Variants in EBF3 observed in about 807,000 individuals in gnomAD.
EBF3 encodes the protein transcription factor COE3.
In EBF3, 18 loss-of-function variants were observed where a neutral mutation model predicts 77.1. The observed-to-expected ratio is 0.23, with a 90% CI of 0.16 to 0.35. EBF3 has a LOEUF of 0.35. EBF3 is among the 10% of genes least tolerant of loss of function. EBF3 has a pLI of 1.00. For missense variants in EBF3, 558 were observed against 860.0 expected, an observed-to-expected ratio of 0.65 and a Z score of 4.39; for synonymous variants, 350 against 343.5, an observed-to-expected ratio of 1.02 and a Z score of -0.21.
chr10:129,901,258 C>A (rs944489315), intron 6 of EBF3, among the ~76,000 whole-genome samples: 2 of 152,194 alleles, frequency 1.3e-5, no homozygotes, highest in African/African-American at 2.4e-5. Context: ...ATAATTATGA[C>A]GCCTAAACTT....
At chr10:129,917,302 G>A (rs552247395) in intron 6 of EBF3, among the ~76,000 whole-genome samples, 25 of 152,246 alleles carry the variant, frequency 1.6e-4, no homozygotes, top group South Asian at 1.0e-3. Context: ...CTGGGACATC[G>A]CAGTTGCAGT....
At chr10:129,860,869 T>C (rs1564833748) in intron 10 of EBF3, among the ~76,000 whole-genome samples, 1 of 152,218 alleles carries the variant, frequency 6.6e-6, no homozygotes, top group Non-Finnish European at 1.5e-5. Context: ...CCCTCAATTT[T>C]CAGATGATGA....
intron 10 of EBF3, among the ~76,000 whole-genome samples, chr10:129,849,085 C>T (rs1451864632): frequency 6.6e-6 from 1 of 152,260 alleles, no homozygotes; most frequent in East Asian, 1.9e-4. Flanking sequence ...TTTTATCCCT[C>T]AAATTGTAAT....
chr10:129,939,613 G>A (rs577826946), intron 6 of EBF3, among the ~76,000 whole-genome samples: 4 of 152,322 alleles, frequency 2.6e-5, no homozygotes, highest in East Asian at 1.9e-4. Context: ...CTGCCACAAC[G>A]TCTGCGTCTC....
Position 129,885,896 on chromosome 10 carries a change from C to T in EBF3, c.555-8047G>A, listed in dbSNP as rs1005276068. Among the ~76,000 whole-genome samples, 2 of 152,176 alleles carry T rather than the reference C, an allele frequency of 1.3e-5. No homozygotes were observed. The highest frequency in any genetic ancestry group is 2.9e-5 in the Non-Finnish European group (2 of 68,044). The stretch of plus-strand genomic sequence containing the variant: ...GCTTATCCCAACTTAGGGTTTCAAG[C>T]CTCTCCCACCATACGCGTGTGTGTT... On this transcript the variant is annotated intron_variant, in intron 6 of 16. Coordinates refer to ENST00000440978, the MANE Select transcript of EBF3 (RefSeq NM_001375380.1). The surrounding 1 kb of genome is among the most constrained non-coding windows in gnomAD (Gnocchi z 4.0).
intron 6 of EBF3, among the ~76,000 whole-genome samples, chr10:129,880,488 T>C (rs577694756): frequency 6.6e-6 from 1 of 150,388 alleles, no homozygotes; most frequent in Non-Finnish European, 1.5e-5. Flanking sequence ...CACATACATA[T>C]GCACACACAC....
In EBF3 at chr10:129,963,607, A is replaced by G. The variant is rs779070141; in HGVS notation, c.134+28T>C. 5 of 1,300,212 alleles carry G rather than the reference A, an allele frequency of 3.8e-6. No homozygotes were observed. Among genetic ancestry groups the G allele is most frequent in the Non-Finnish European group, 3.0e-6 (3 of 1,008,880 alleles). 80.5% of individuals were successfully genotyped at this position (1,300,212 alleles called of 1,614,324 possible). On this transcript the variant is annotated intron_variant, in intron 1 of 16. Transcript: ENST00000440978. This position sits in a 1 kb window ranked among gnomAD's most constrained non-coding sequence, Gnocchi z 7.1. ...GCCGGGCCGGGCCGGGGCCGGGGCCAGGGCGCGCGGGGGCGGCCGGTACGT... is the reference window on the plus strand; with the variant it reads ...GCCGGGCCGGGCCGGGGCCGGGGCCGGGGCGCGCGGGGGCGGCCGGTACGT...
intron 10 of EBF3, among the ~76,000 whole-genome samples, chr10:129,855,446 G>A (rs1851186845): frequency 6.6e-6 from 1 of 152,212 alleles, no homozygotes; most frequent in Non-Finnish European, 1.5e-5. Flanking sequence ...GGCTTTTATA[G>A]TCGTGTGGAA....
In EBF3 at chr10:129,863,555, G is replaced by A. The variant is rs1019758661; in HGVS notation, c.1039+3586C>T. 1.3e-5 allele frequency among the ~76,000 whole-genome samples: 2 copies of A among 152,220 alleles called. No homozygotes were observed. Among genetic ancestry groups the A allele is most frequent in the African/African-American group, 4.8e-5 (2 of 41,472 alleles). On this transcript the variant is annotated intron_variant, in intron 10 of 16. Coordinates refer to ENST00000440978, the MANE Select transcript of EBF3 (RefSeq NM_001375380.1). This position sits in a 1 kb window ranked among gnomAD's most constrained non-coding sequence, Gnocchi z 4.0. ...CAGGTTCATTAGCCCTCCGCCTGGC[G>A]GCCCCAGCCGGCCTCACGTGGGGAA...
intron 6 of EBF3, among the ~76,000 whole-genome samples, chr10:129,941,100 T>G (rs557331288): frequency 4.6e-4 from 70 of 152,290 alleles, no homozygotes; most frequent in Non-Finnish European, 8.1e-4. Flanking sequence ...TGACAACATG[T>G]GGGAAAATGC....
chr10:129,874,316 A>T (rs2134111771), intron 7 of EBF3, among the ~76,000 whole-genome samples: 1 of 152,274 alleles, frequency 6.6e-6, no homozygotes, highest in Admixed American at 6.5e-5. Flanking sequence ...GGCACAAAGG[A>T]TGTCGAGGGG....
At chr10:129,844,676 A>C (rs1383570721) in intron 11 of EBF3, among the ~76,000 whole-genome samples, 2 of 152,098 alleles carry the variant, frequency 1.3e-5, no homozygotes, top group African/African-American at 2.4e-5. Context: ...CTTAATCCAG[A>C]AAGTTCCCGG....
At chr10:129,954,944 T>C (rs1241272415) in intron 6 of EBF3, among the ~76,000 whole-genome samples, 2 of 152,090 alleles carry the variant, frequency 1.3e-5, no homozygotes, top group Non-Finnish European at 2.9e-5. Flanking sequence ...ATTATCATTA[T>C]GAAACTGAAA....
chr10:129,865,766 G>A (rs1208533136), intron 10 of EBF3, among the ~76,000 whole-genome samples: 1 of 152,210 alleles, frequency 6.6e-6, no homozygotes, highest in African/African-American at 2.4e-5. Flanking sequence ...GACGTCTATT[G>A]CCTCTTTAAA....
Position 129,910,089 on chromosome 10 carries a change from T to C in EBF3, c.555-32240A>G, listed in dbSNP as rs796725506. Reference sequence around the variant, plus strand: ...AGGCAGGCGTGGAGGCCGTCAGCAGTGCCGCGCTAACGAGCCCGCCCGGGG... The same window carrying C: ...AGGCAGGCGTGGAGGCCGTCAGCAGCGCCGCGCTAACGAGCCCGCCCGGGG... On this transcript the variant is annotated intron_variant, in intron 6 of 16. Transcript: ENST00000440978. Among the ~76,000 whole-genome samples the C allele has an allele frequency of 2.6e-5, 4 of 152,146 alleles. No homozygotes were observed. In the East Asian group the frequency reaches 5.8e-4, roughly 22 times the overall value.
rs902172774 is a variant in EBF3 at position 129,903,314 on chromosome 10, G to C, written c.555-25465C>G. On this transcript the variant is annotated intron_variant, in intron 6 of 16. Transcript: ENST00000440978. ...TTTTCTTTATAAGAGATGTTTGGAA[G>C]GCCCTTGGGCATAGAAATCCTTGGA... Among the ~76,000 whole-genome samples, 19 of 152,218 alleles carry C rather than the reference G, an allele frequency of 1.2e-4. 1 individual carries two copies. Among genetic ancestry groups the C allele is most frequent in the African/African-American group, 4.3e-4 (18 of 41,458 alleles).
At chr10:129,901,921 G>A (rs549996567) in intron 6 of EBF3, among the ~76,000 whole-genome samples, 19 of 152,292 alleles carry the variant, frequency 1.2e-4, no homozygotes, top group Middle Eastern at 3.4e-3. Flanking sequence ...ACAATCCGGC[G>A]GAATCCGCAG....
chr10:129,881,767 G>C (rs905106651), intron 6 of EBF3, among the ~76,000 whole-genome samples: 3 of 152,194 alleles, frequency 2.0e-5, no homozygotes, highest in Non-Finnish European at 2.9e-5. Context: ...TGCCGGGGAG[G>C]ACAGGGGTGG....
rs200858335 is a variant in EBF3 at position 129,963,721 on chromosome 10, C to T, written c.48G>A (p.Lys16=). The change falls in exon 1 of 17, where the codon AAG becomes AAA. Residue 16 remains lysine (K), a synonymous_variant. Coordinates refer to ENST00000440978, the MANE Select transcript of EBF3 (RefSeq NM_001375380.1). The surrounding 1 kb of genome is among the most constrained non-coding windows in gnomAD (Gnocchi z 7.1). The part of the protein sequence containing the change: ...ENIPRGGTTM[K]EEPLGSGMNP... Reference sequence around the variant, plus strand: ...TCATGCCGCTGCCCAGCGGCTCCTCCTTCATGGTCGTCCCCCCGCGCGGAA... The same window carrying T: ...TCATGCCGCTGCCCAGCGGCTCCTCTTTCATGGTCGTCCCCCCGCGCGGAA... 10 of 1,539,154 alleles carry T rather than the reference C, an allele frequency of 6.5e-6. No individual in the cohort carries two copies. Among genetic ancestry groups the T allele is most frequent in the African/African-American group, 2.8e-5 (2 of 70,298 alleles).
Sources: gnomAD v4.1 joint callset for allele counts (sites outside exome capture counted in the v4.1 genomes callset) on GRCh38, gnomAD v4.1.1 for gene constraint, Gnocchi (gnomAD v3.1) non-coding constraint, MANE v1.5 for transcripts, NCBI Gene and HGNC (gene_info 2026-07-23, HGNC 2026-07-21) for gene names.